CHM: variants seen among roughly 807,000 people sequenced by gnomAD.
The protein encoded by CHM is rab proteins geranylgeranyltransferase component A 1.
CHM carries 10 observed loss-of-function variants against 49.0 expected under a neutral mutation model. The ratio of observed to expected loss-of-function variants is 0.20; its 90% CI spans 0.13 to 0.35. CHM has a LOEUF of 0.35. Ranked by LOEUF, CHM falls within the 10% of genes least tolerant of loss-of-function variation. The pLI, the probability that CHM is intolerant of heterozygous loss-of-function variation, is 1.00. For missense variants in CHM, 455 were observed against 478.4 expected, an observed-to-expected ratio of 0.95 and a Z score of 0.46; for synonymous variants, 184 against 167.5, an observed-to-expected ratio of 1.10 and a Z score of -0.76.
At chrX:86,045,218 T>C (rs1285939950) in intron 1 of CHM, among the ~76,000 whole-genome samples, 3 of 112,311 alleles carry the variant, frequency 2.7e-5, no homozygotes, top group African/African-American at 6.5e-5. Context: ...CACTGCTTTT[T>C]CTATGATTTG....
chrX:85,891,305 C>A (rs145935879), intron 12 of CHM, among the ~76,000 whole-genome samples: 8,782 of 111,824 alleles, frequency 0.079, 750 homozygotes, highest in African/African-American at 0.26. Flanking sequence ...AATCCCCAAG[C>A]CCATGAGGAA....
intron 12 of CHM, among the ~76,000 whole-genome samples, chrX:85,892,479 G>A (rs1379010158): frequency 9.0e-6 from 1 of 110,863 alleles, no homozygotes; most frequent in East Asian, 2.8e-4. Context: ...AGGGGTTTCC[G>A]CTTTTGCTTC....
chrX:85,962,823 A>C (rs1191552747), intron 5 of CHM, among the ~76,000 whole-genome samples: 1 of 111,510 alleles, frequency 9.0e-6, no homozygotes, highest in East Asian at 2.8e-4. Context: ...ACCAAATGCA[A>C]TATTGTACGC....
intron 2 of CHM, among the ~76,000 whole-genome samples, chrX:86,003,148 ACAGACCTC>A (rs1311531697): frequency 8.9e-6 from 1 of 112,098 alleles, no homozygotes; most frequent in Non-Finnish European, 1.9e-5. Flanking sequence ...GCAAACTCCA[ACAGACCTC>A]CAGCTAAGGG....
At chrX:85,954,894 A>C (rs1929931360) in intron 8 of CHM, among the ~76,000 whole-genome samples, 2 of 56,390 alleles carry the variant, frequency 3.5e-5, no homozygotes, top group African/African-American at 8.9e-5. Flanking sequence ...TCCATCTCCC[A>C]AAAAAAAAAA....
chrX:85,905,263 T>C (rs948514285), intron 9 of CHM, among the ~76,000 whole-genome samples: 2 of 111,166 alleles, frequency 1.8e-5, no homozygotes, highest in African/African-American at 3.3e-5. Flanking sequence ...TTATAAATAC[T>C]TCCTGAAACT....
intron 8 of CHM, among the ~76,000 whole-genome samples, chrX:85,937,499 A>G (rs1490680136): frequency 9.1e-6 from 1 of 109,341 alleles, no homozygotes; most frequent in Admixed American, 1.0e-4. Flanking sequence ...TATGAGGGTA[A>G]TCTAGTATCT....
In CHM at chrX:85,894,369, C is replaced by T. The variant is rs767446523; in HGVS notation, c.1414-85G>A. On this transcript the variant is annotated intron_variant, in intron 11 of 14. Transcript: ENST00000357749. ...CATTAAAATGCTGTTAACTTCTAAA[C>T]TGAGTATCTTTTTCAAACATCATGT... 7.4e-6 allele frequency: 5 copies of T among 673,871 alleles called. No individual in the cohort carries two copies. In the South Asian group the frequency reaches 9.5e-5, roughly 13 times the overall value. 55.5% of individuals were successfully genotyped at this position (673,871 alleles called of 1,213,427 possible). A position where few individuals can be genotyped will look rare whatever the true frequency, so the allele number is the denominator to read the frequency against.
chrX:85,920,151 A>G (rs1199924675), intron 8 of CHM, among the ~76,000 whole-genome samples: 1 of 108,098 alleles, frequency 9.3e-6, no homozygotes, highest in Non-Finnish European at 1.9e-5. Flanking sequence ...GCTGGAGTGC[A>G]GTGGCGCGAT....
intron 4 of CHM, chrX:85,971,549 T>C: frequency 3.5e-6 from 1 of 287,688 alleles, no homozygotes; most frequent in East Asian, 1.3e-4. Flanking sequence ...CTGCAGATCT[T>C]CGCGGTGAGT....
At chrX:85,900,756 A>G (rs1258762329) in intron 10 of CHM, 47 bp from the exon 11 acceptor site, 2 of 942,529 alleles carry the variant, frequency 2.1e-6, no homozygotes, top group Non-Finnish European at 3.0e-6. Flanking sequence ...TCCATGGATA[A>G]GTTTCGTTTA....
intron 2 of CHM, among the ~76,000 whole-genome samples, chrX:86,011,602 C>T (rs778710918): frequency 2.7e-5 from 3 of 111,902 alleles, no homozygotes; most frequent in South Asian, 3.7e-4. Context: ...AGGTGGTAGA[C>T]AATGGCTCCC....
intron 11 of CHM, among the ~76,000 whole-genome samples, chrX:85,895,141 T>G (rs1290176631): frequency 2.0e-5 from 2 of 99,415 alleles, no homozygotes; most frequent in African/African-American, 3.9e-5. Context: ...TTTTTGTTTT[T>G]TTTTTTTTTT....
At chrX:85,973,946 G>T (rs1224705260) in intron 4 of CHM, among the ~76,000 whole-genome samples, 1 of 111,623 alleles carries the variant, frequency 9.0e-6, no homozygotes, top group Non-Finnish European at 1.9e-5. Flanking sequence ...GAAAAGAAAG[G>T]CATAAAACTT....
At chrX:85,969,043 A>G (rs1930733928) in intron 4 of CHM, 1 of 631,366 alleles carries the variant, frequency 1.6e-6, no homozygotes. Context: ...TTGCTTGTAT[A>G]ATTTTTAAGT....
At chrX:85,987,171 G>A (rs757703513) in intron 2 of CHM, among the ~76,000 whole-genome samples, 2 of 111,821 alleles carry the variant, frequency 1.8e-5, no homozygotes, top group South Asian at 7.6e-4. Context: ...CTGTAAACAG[G>A]CAAAATCTAT....
chrX:85,967,350 T>C (rs1205858796), intron 4 of CHM, among the ~76,000 whole-genome samples: 1 of 112,314 alleles, frequency 8.9e-6, no homozygotes, highest in East Asian at 2.8e-4. Flanking sequence ...AATTTAAAAG[T>C]GTTTGAAAAC....
chrX:85,975,569 T>A (rs1449282602), intron 4 of CHM, among the ~76,000 whole-genome samples: 7 of 112,244 alleles, frequency 6.2e-5, no homozygotes, highest in Non-Finnish European at 1.3e-4. Flanking sequence ...TTACATACTA[T>A]ACAGTTCCAT....
chrX:86,030,858 G>T (rs781135069), intron 1 of CHM, among the ~76,000 whole-genome samples: 22 of 111,040 alleles, frequency 2.0e-4, no homozygotes, highest in Middle Eastern at 4.7e-3. Context: ...AAAAGTGTTT[G>T]GACTGGCCTA....
Sources: allele counts gnomAD v4.1 joint callset (sites outside exome capture counted in the v4.1 genomes callset), GRCh38; gene constraint gnomAD v4.1.1; transcripts MANE v1.5; gene names NCBI Gene and HGNC (gene_info 2026-07-23, HGNC 2026-07-21).